Variants in PLD5 observed in about 807,000 individuals in gnomAD.
PLD5 encodes phospholipase D family member 5.
A neutral mutation model predicts 61.1 loss-of-function variants in PLD5; 36 were observed. That is an observed-to-expected ratio of 0.59 (90% confidence interval 0.45 to 0.78). The LOEUF (loss-of-function observed/expected upper bound fraction) is 0.78, where lower values mean the gene tolerates loss of function less well. Ranked by LOEUF, PLD5 falls within the 30% of genes least tolerant of loss-of-function variation. The pLI is 0.00. For missense variants in PLD5, 515 were observed against 644.4 expected, an observed-to-expected ratio of 0.80 and a Z score of 2.17; for synonymous variants, 243 against 242.8, an observed-to-expected ratio of 1.00 and a Z score of -0.01.
At chr1:242,165,322 A>G (rs1666222284) in intron 5 of PLD5, among the ~76,000 whole-genome samples, 1 of 152,132 alleles carries the variant, frequency 6.6e-6, no homozygotes, top group Admixed American at 6.5e-5. Flanking sequence ...TGCAAGTTAT[A>G]ACTTTTATTT....
chr1:242,302,132 T>C (rs1676087489), intron 2 of PLD5, among the ~76,000 whole-genome samples: 1 of 152,182 alleles, frequency 6.6e-6, no homozygotes, highest in Admixed American at 6.5e-5. Flanking sequence ...ATACTTACCA[T>C]TGTGTTAAAA....
intron 4 of PLD5, among the ~76,000 whole-genome samples, chr1:242,227,639 C>T (rs1428879284): frequency 6.6e-6 from 1 of 152,200 alleles, no homozygotes; most frequent in Admixed American, 6.5e-5. Context: ...GTTGGGATTA[C>T]AGGCATAAGC....
chr1:242,324,735 A>G (rs1236269783), intron 2 of PLD5, among the ~76,000 whole-genome samples: 3 of 152,154 alleles, frequency 2.0e-5, no homozygotes, highest in Non-Finnish European at 4.4e-5. Flanking sequence ...TATTACTACT[A>G]TAAAACCTAA....
intron 6 of PLD5, among the ~76,000 whole-genome samples, chr1:242,123,847 G>GT: frequency 6.6e-6 from 1 of 152,296 alleles, no homozygotes; most frequent in East Asian, 1.9e-4. Flanking sequence ...GCCTAGCTGG[G>GT]TGGTGGACTG....
Position 242,256,340 on chromosome 1 carries a change from G to A in PLD5, c.607+8997C>T, listed in dbSNP as rs1435484923. On this transcript the variant is annotated intron_variant, in intron 4 of 9. Transcript: ENST00000536534. The surrounding 1 kb of genome is among the most constrained non-coding windows in gnomAD (Gnocchi z 5.7). Reference sequence around the variant, plus strand: ...AGAAATTTAATTTTAAAATCTCATGGGGAGAAAAATCTGAAGATCTATTTC... The same window carrying A: ...AGAAATTTAATTTTAAAATCTCATGAGGAGAAAAATCTGAAGATCTATTTC... 2.0e-5 allele frequency among the ~76,000 whole-genome samples: 3 copies of A among 152,158 alleles called. No individual in the cohort carries two copies. Among genetic ancestry groups the A allele is most frequent in the Non-Finnish European group, 4.4e-5 (3 of 68,036 alleles).
At chr1:242,142,045 C>A (rs1664211670) in intron 5 of PLD5, among the ~76,000 whole-genome samples, 1 of 152,136 alleles carries the variant, frequency 6.6e-6, no homozygotes, top group African/African-American at 2.4e-5. Context: ...TCAAGTCTGA[C>A]CAGAAGCCTG....
chr1:242,397,781 CTT>C (rs1558531225), intron 1 of PLD5, among the ~76,000 whole-genome samples: 2 of 140,688 alleles, frequency 1.4e-5, no homozygotes, highest in Non-Finnish European at 3.0e-5. Flanking sequence ...TCTTCTTCTT[CTT>C]CTTTTTTTTT....
chr1:242,388,473 G>A (rs999546179), intron 1 of PLD5, among the ~76,000 whole-genome samples: 4 of 152,198 alleles, frequency 2.6e-5, no homozygotes, highest in Non-Finnish European at 4.4e-5. Flanking sequence ...TGGAAGGCAA[G>A]TGGGGCAAAG....
intron 1 of PLD5, among the ~76,000 whole-genome samples, chr1:242,444,726 A>AAT (rs1558572537): frequency 1.6e-5 from 1 of 62,618 alleles, no homozygotes; most frequent in Non-Finnish European, 2.7e-5. Flanking sequence ...AAAATAATAT[A>AAT]TATATTATTT....
rs1484477425 is a variant in PLD5, at chr1:242,466,620, C to T, written c.189+57468G>A. On this transcript the variant is annotated intron_variant, in intron 1 of 9. Coordinates refer to ENST00000536534, the MANE Select transcript of PLD5 (RefSeq NM_001372062.1). The stretch of plus-strand genomic sequence containing the variant: ...ATAAAAAGTGGAGCTCGGCTGGGCG[C>T]GGCGGCTCACACCTGTAATCCCAGC... Among the ~76,000 whole-genome samples, 4 of 152,084 alleles carry T rather than the reference C, an allele frequency of 2.6e-5. 1 individual carries two copies. The highest frequency in any genetic ancestry group is 4.8e-5 in the African/African-American group (2 of 41,408).
At chr1:242,475,605 G>A (rs2102954988) in intron 1 of PLD5, among the ~76,000 whole-genome samples, 1 of 152,158 alleles carries the variant, frequency 6.6e-6, no homozygotes, top group African/African-American at 2.4e-5. Flanking sequence ...GAACAGCGAG[G>A]AGACTCTAAA....
rs189056494 is a variant in PLD5, at chr1:242,327,067, G to A, written c.326+21039C>T. Among the ~76,000 whole-genome samples the A allele has an allele frequency of 7.2e-3, 214 of 29,604 alleles. 1 individual carries two copies. The highest frequency in any genetic ancestry group is 0.017 in the African/African-American group (208 of 11,908). 19.4% of individuals were successfully genotyped at this position (29,604 alleles called of 152,430 possible). A position where few individuals can be genotyped will look rare whatever the true frequency, so the allele number is the denominator to read the frequency against. ...TTTTTAGTGGAGATGGGGTTTCACC[G>A]TGTTAGCCAGGATGGTCTCGATCTC... On this transcript the variant is annotated intron_variant, in intron 2 of 9. Transcript: ENST00000536534.
chr1:242,195,249 A>G (rs898597788), intron 5 of PLD5, among the ~76,000 whole-genome samples: 2 of 152,182 alleles, frequency 1.3e-5, no homozygotes, highest in South Asian at 4.1e-4. Context: ...ACTGTCCTGG[A>G]GAGTTCCGCA....
At chr1:242,444,338 GC>G (rs1229342854) in intron 1 of PLD5, among the ~76,000 whole-genome samples, 11 of 151,936 alleles carry the variant, frequency 7.2e-5, no homozygotes, top group Non-Finnish European at 1.6e-4. Context: ...TATTCTATGT[GC>G]TTTAGTTTTC....
chr1:242,452,686 T>C (rs12095076), intron 1 of PLD5, among the ~76,000 whole-genome samples: 3,090 of 152,112 alleles, frequency 0.02, 106 homozygotes, highest in African/African-American at 0.07. Flanking sequence ...TGTAATGGCG[T>C]GTGTCTGCAG....
rs552130206 is a variant in PLD5, at chr1:242,420,588, T to C, written c.190-72346A>G. ...GCCTTTTATCATTTCCTCTCTTGCA[T>C]GGATATAACTAAGGATTGCAAGGAT... On this transcript the variant is annotated intron_variant, in intron 1 of 9. Coordinates refer to ENST00000536534, the MANE Select transcript of PLD5 (RefSeq NM_001372062.1). Among the ~76,000 whole-genome samples, 36 of 152,284 alleles carry C rather than the reference T, an allele frequency of 2.4e-4. 1 individual carries two copies. The highest frequency in any genetic ancestry group is 1.6e-3 in the Admixed American group (24 of 15,292).
rs568922356 is a variant in PLD5, at chr1:242,174,420, G to A, written c.735+45568C>T. ...AACAACAGGTGCTGGAGAGGATGTG[G>A]AGAAATAGGAACACTTTTACACTGT... On this transcript the variant is annotated intron_variant, in intron 5 of 9. Coordinates refer to ENST00000536534, the MANE Select transcript of PLD5 (RefSeq NM_001372062.1). Among the ~76,000 whole-genome samples the A allele has an allele frequency of 2.7e-3, 413 of 152,200 alleles. 2 individuals carry two copies. Among genetic ancestry groups the A allele is most frequent in the African/African-American group, 8.8e-3 (367 of 41,526 alleles).
intron 1 of PLD5, among the ~76,000 whole-genome samples, chr1:242,434,893 A>G (rs1665914932): frequency 6.6e-6 from 1 of 152,120 alleles, no homozygotes; most frequent in Non-Finnish European, 1.5e-5. Context: ...TACTTATTAA[A>G]GTTCAGGGTA....
intron 5 of PLD5, among the ~76,000 whole-genome samples, chr1:242,137,848 G>A (rs2574673): frequency 0.49 from 74,408 of 151,390 alleles, 18,529 homozygotes; most frequent in Non-Finnish European, 0.53. Flanking sequence ...GGGGGAAAAA[G>A]AAAAGAAAAG....
Sources: allele counts gnomAD v4.1 joint callset (sites outside exome capture counted in the v4.1 genomes callset), GRCh38; gene constraint gnomAD v4.1.1; non-coding constraint Gnocchi (gnomAD v3.1); transcripts MANE v1.5; gene names NCBI Gene and HGNC (gene_info 2026-07-23, HGNC 2026-07-21).